The following RGL1 variants were observed in gnomAD, a reference collection of about 807,000 sequenced individuals.
RGL1 encodes ral guanine nucleotide dissociation stimulator-like 1.
Under a neutral mutation model 95.2 loss-of-function variants are expected in RGL1, and 24 were observed. The ratio of observed to expected loss-of-function variants is 0.25; its 90% CI spans 0.18 to 0.35. The LOEUF (loss-of-function observed/expected upper bound fraction) is 0.35. Among genes scored for constraint, RGL1 ranks in the 10% least tolerant of loss-of-function variants. The pLI, the probability that RGL1 is intolerant of heterozygous loss-of-function variation, is 1.00. For missense variants in RGL1, 715 were observed against 936.3 expected (o/e 0.76, Z 3.08); for synonymous variants, 329 against 344.9 (o/e 0.95, Z 0.51).
chr1:183,652,471 T>C (rs1650830632), intron 1 of RGL1, among the ~76,000 whole-genome samples: 1 of 152,230 alleles, frequency 6.6e-6, no homozygotes, highest in African/African-American at 2.4e-5. Flanking sequence ...TTGATCACCC[T>C]CATCTGAAGA....
chr1:183,662,113 G>C (rs1001959467), intron 1 of RGL1, among the ~76,000 whole-genome samples: 1 of 151,168 alleles, frequency 6.6e-6, no homozygotes, highest in African/African-American at 2.5e-5. Context: ...CATACTTAAT[G>C]GGCAAAAACT....
In RGL1 at chr1:183,880,754, A is replaced by G; in HGVS notation, c.564A>G (p.Ala188=). The G allele has an allele frequency of 6.2e-7, 1 of 1,613,978 alleles. No homozygotes were observed. Among genetic ancestry groups the G allele is most frequent in the East Asian group, 2.2e-5 (1 of 44,868 alleles). Residue 188 remains alanine, a synonymous_variant, in exon 5 of 18, where the codon GCA becomes GCG. Transcript: ENST00000360851. The part of the protein sequence containing the change: ...MMPGSDPERR[A]QNLLEQFQKQ... ...CGGGCTCTGACCCAGAAAGAAGAGC[A>G]CAAAATCTTCTTGAGCAGTTTCAGA...
At chr1:183,905,694 T>G (rs1341688500) in intron 13 of RGL1, among the ~76,000 whole-genome samples, 1 of 152,118 alleles carries the variant, frequency 6.6e-6, no homozygotes, top group East Asian at 1.9e-4. Flanking sequence ...TTCACTTGAG[T>G]GCCCTGCCTG....
chr1:183,692,271 TG>T (rs1653988580), intron 1 of RGL1, among the ~76,000 whole-genome samples: 1 of 152,228 alleles, frequency 6.6e-6, no homozygotes, highest in Non-Finnish European at 1.5e-5. Context: ...TCCTAAGTCT[TG>T]GGGCCGAAGG....
intron 1 of RGL1, among the ~76,000 whole-genome samples, chr1:183,688,349 A>G: frequency 6.6e-6 from 1 of 152,168 alleles, no homozygotes; most frequent in East Asian, 1.9e-4. Flanking sequence ...TGAGATTAAC[A>G]ACAGTAAAAA....
At chr1:183,656,270 A>G (rs1224100074) in intron 1 of RGL1, among the ~76,000 whole-genome samples, 1 of 152,228 alleles carries the variant, frequency 6.6e-6, no homozygotes, top group African/African-American at 2.4e-5. Flanking sequence ...AAGTACATTT[A>G]TGATGGTAAC....
intron 3 of RGL1, among the ~76,000 whole-genome samples, chr1:183,860,282 G>A (rs1037028385): frequency 1.1e-4 from 16 of 152,142 alleles, no homozygotes; most frequent in Non-Finnish European, 1.2e-4. Flanking sequence ...TGGTAGAAGA[G>A]GGTGTGTATT....
intron 2 of RGL1, among the ~76,000 whole-genome samples, chr1:183,759,767 C>T (rs1439301863): frequency 1.3e-5 from 2 of 152,184 alleles, no homozygotes; most frequent in African/African-American, 2.4e-5. Context: ...CTGAATATGA[C>T]ATGATGCATT....
At chr1:183,769,918 T>C (rs921970356) in intron 2 of RGL1, among the ~76,000 whole-genome samples, 2 of 152,234 alleles carry the variant, frequency 1.3e-5, no homozygotes, top group African/African-American at 2.4e-5. Flanking sequence ...ATCCCACTTT[T>C]TCTTTAAACA....
intron 2 of RGL1, among the ~76,000 whole-genome samples, chr1:183,816,204 A>G (rs1474833372): frequency 6.6e-6 from 1 of 152,146 alleles, no homozygotes; most frequent in Admixed American, 6.5e-5. Context: ...TATTATTTTT[A>G]TGCTTTAAAA....
At chr1:183,769,655 T>C (rs1035161269) in intron 2 of RGL1, among the ~76,000 whole-genome samples, 3 of 152,258 alleles carry the variant, frequency 2.0e-5, no homozygotes, top group African/African-American at 7.2e-5. Flanking sequence ...AGCCATGAGA[T>C]AGTAATACAA....
intron 1 of RGL1, among the ~76,000 whole-genome samples, chr1:183,640,140 G>A (rs916333288): frequency 6.6e-6 from 1 of 152,022 alleles, no homozygotes. Flanking sequence ...CCTGGCCAAA[G>A]GGAAACTTTT....
intron 2 of RGL1, among the ~76,000 whole-genome samples, chr1:183,772,066 G>A (rs1659310162): frequency 1.3e-5 from 2 of 152,206 alleles, no homozygotes; most frequent in Non-Finnish European, 2.9e-5. Context: ...CAACTCCAGG[G>A]ATAAACCATC....
intron 2 of RGL1, among the ~76,000 whole-genome samples, chr1:183,777,276 A>G (rs12144083): frequency 0.011 from 1,749 of 152,308 alleles, 21 homozygotes; most frequent in Non-Finnish European, 0.016. Context: ...CTTGCATCAG[A>G]TGGATTATGT....
At chr1:183,700,869 T>C (rs138504172) in intron 1 of RGL1, among the ~76,000 whole-genome samples, 5 of 152,196 alleles carry the variant, frequency 3.3e-5, no homozygotes, top group African/African-American at 1.2e-4. Flanking sequence ...AAGCCCCACA[T>C]ACATTAGATA....
chr1:183,916,827 C>T lies in RGL1; in HGVS notation c.2004+126C>T, dbSNP rs1331443201. 7 of 1,072,570 alleles carry T rather than the reference C, an allele frequency of 6.5e-6. No homozygotes were observed. In the East Asian group the frequency reaches 1.7e-4, roughly 27 times the overall value. The allele number at this position is 1,072,570 out of a possible 1,614,324, so 66.4% of individuals were successfully genotyped here. On this transcript the variant is annotated intron_variant, in intron 16 of 17. Coordinates refer to ENST00000360851, the MANE Select transcript of RGL1 (RefSeq NM_001297671.3). ...ATTAGCATATACATATATGCATTCA[C>T]ACAGAAGGGATGTGTGTCAGTTCCA...
chr1:183,649,879 A>C (rs1047295387), intron 1 of RGL1, among the ~76,000 whole-genome samples: 5 of 152,164 alleles, frequency 3.3e-5, no homozygotes, highest in Admixed American at 2.0e-4. Flanking sequence ...TGAGATGATC[A>C]TGGCTCACTG....
chr1:183,786,901 A>G (rs1376628387), intron 2 of RGL1, among the ~76,000 whole-genome samples: 1 of 152,216 alleles, frequency 6.6e-6, no homozygotes, highest in Admixed American at 6.5e-5. Flanking sequence ...TATATGTAGA[A>G]GCATCTTGCA....
intron 3 of RGL1, among the ~76,000 whole-genome samples, chr1:183,858,290 T>C (rs1338109353): frequency 6.6e-6 from 1 of 152,170 alleles, no homozygotes; most frequent in African/African-American, 2.4e-5. Flanking sequence ...CCTGTAAGAA[T>C]GTACTAAAAA....
Sources: gnomAD v4.1 joint callset for allele counts (sites outside exome capture counted in the v4.1 genomes callset) on GRCh38, gnomAD v4.1.1 for gene constraint, MANE v1.5 for transcripts, NCBI Gene and HGNC (gene_info 2026-07-23, HGNC 2026-07-21) for gene names.